Variants in HIPK2 observed in about 807,000 individuals in gnomAD.
HIPK2 encodes homeodomain-interacting protein kinase 2.
Under a neutral mutation model 113.7 loss-of-function variants are expected in HIPK2, and 27 were observed. The ratio of observed to expected loss-of-function variants is 0.24; its 90% CI spans 0.17 to 0.33. HIPK2 has a LOEUF of 0.33. HIPK2 is among the 10% of genes least tolerant of loss of function. HIPK2 has a pLI of 1.00. For synonymous variants in HIPK2, 631 were observed against 642.2 expected (o/e 0.98, Z 0.26); for missense variants, 1,257 against 1,588.0 (o/e 0.79, Z 3.54).
chr7:139,656,086 A>G (rs1801658792), intron 2 of HIPK2, among the ~76,000 whole-genome samples: 1 of 151,760 alleles, frequency 6.6e-6, no homozygotes, highest in Non-Finnish European at 1.5e-5. Context: ...CATTTCTCCC[A>G]TCATTCTTCT....
intron 2 of HIPK2, among the ~76,000 whole-genome samples, chr7:139,659,432 C>T (rs543622657): frequency 9.2e-5 from 13 of 141,334 alleles, no homozygotes; most frequent in Admixed American, 7.6e-4. Context: ...GGTTCCCTGG[C>T]CCTGAGCCGC....
At position 139,614,370 on chromosome 7, in the gene HIPK2, GCATGCTCCGCTGGGCCACTGCAGC is replaced by G. The variant is rs1799951148; in HGVS notation, c.1882_1905del (p.Ala628_Met635del). 6.3e-7 allele frequency: 1 copy of G among 1,585,700 alleles called. No homozygotes were observed. The highest frequency in any genetic ancestry group is 1.1e-5 in the South Asian group (1 of 87,972). On this transcript the variant is annotated inframe_deletion, in exon 8 of 15. Transcript: ENST00000406875. Reference sequence around the variant, plus strand: ...ATCTGGGCTGTTCCTGTCTGCAGGGGCATGCTCCGCTGGGCCACTGCAGCCATGGATGCCGCTGAGGGCTGGTAG... The same window carrying G: ...ATCTGGGCTGTTCCTGTCTGCAGGGGCATGGATGCCGCTGAGGGCTGGTAG...
Position 139,621,926 on chromosome 7 carries a change from A to G in HIPK2, c.1620-1363T>C, listed in dbSNP as rs1396420924. 5.6e-5 allele frequency among the ~76,000 whole-genome samples: 5 copies of G among 89,326 alleles called. No homozygotes were observed. In the East Asian group the frequency reaches 8.3e-4, roughly 15 times the overall value. 58.6% of individuals were successfully genotyped at this position (89,326 alleles called of 152,430 possible). ...TGACAGGGTGAGACCCTGTCTCAGG[A>G]AAAAAAAAAAAAAAAAAATTAAAAG... On this transcript the variant is annotated intron_variant, in intron 6 of 14. Coordinates refer to ENST00000406875, the MANE Select transcript of HIPK2 (RefSeq NM_022740.5).
chr7:139,670,497 C>T (rs867206513), intron 2 of HIPK2, among the ~76,000 whole-genome samples: 1 of 150,966 alleles, frequency 6.6e-6, no homozygotes, highest in Non-Finnish European at 1.5e-5. Context: ...AGGAGGATTG[C>T]TTGAGCCTAG....
chr7:139,764,907 A>T (rs1796527765), intron 1 of HIPK2, among the ~76,000 whole-genome samples: 1 of 152,196 alleles, frequency 6.6e-6, no homozygotes, highest in African/African-American at 2.4e-5. Context: ...AGGCTGAGGC[A>T]GGTGGATCAC....
chr7:139,583,172 C>T (rs950387568), intron 13 of HIPK2, among the ~76,000 whole-genome samples: 5 of 152,210 alleles, frequency 3.3e-5, no homozygotes, highest in South Asian at 2.1e-4. Context: ...GCAAGGGAAA[C>T]GCTAAATAGA....
chr7:139,623,014 C>T (rs1010408593), intron 6 of HIPK2, among the ~76,000 whole-genome samples: 2 of 152,206 alleles, frequency 1.3e-5, no homozygotes, highest in African/African-American at 2.4e-5. Context: ...TGTTTTGGTG[C>T]AGACGGCTAA....
chr7:139,741,632 ACTCTAGCCTGTCCCAC>A (rs149675580), intron 1 of HIPK2, among the ~76,000 whole-genome samples: 22,003 of 151,736 alleles, frequency 0.15, 1,608 homozygotes, highest in Non-Finnish European at 0.16. Context: ...TAATCTCCAC[ACTCTAGCCTGTCCCAC>A]CTTTGTTATT....
intron 5 of HIPK2, 118 bp from the exon 6 acceptor site, chr7:139,626,903 T>C: frequency 1.8e-6 from 2 of 1,129,230 alleles, no homozygotes; most frequent in Non-Finnish European, 2.6e-6. Context: ...CTTTCTCAGT[T>C]CCCAGGAACT....
rs1050404523 is a variant in HIPK2, at chr7:139,575,222, C to T, written c.3032G>A (p.Gly1011Asp). 3.2e-6 allele frequency: 5 copies of T among 1,583,324 alleles called. No homozygotes were observed. The highest frequency in any genetic ancestry group is 4.3e-6 in the Non-Finnish European group (5 of 1,164,966). The change falls in exon 14 of 15, where the codon GGT (glycine) becomes GAT (aspartate). Residue 1011 changes from glycine to aspartate, a missense_variant. Coordinates refer to ENST00000406875, the MANE Select transcript of HIPK2 (RefSeq NM_022740.5). ...KSSSNVTSTS[G>D]HSSGSSSGAI... is the part of the protein sequence containing the mutation. ...TCCAGATGAGCTCCCTGAAGAGTGACCGCTGGTGGAGGTCACGTTGCTGGA... is the reference window on the plus strand; with the variant it reads ...TCCAGATGAGCTCCCTGAAGAGTGATCGCTGGTGGAGGTCACGTTGCTGGA...
intron 1 of HIPK2, among the ~76,000 whole-genome samples, chr7:139,719,950 C>T (rs1330741011): frequency 1.3e-5 from 2 of 152,176 alleles, no homozygotes; most frequent in Admixed American, 6.5e-5. Flanking sequence ...CTGAGCATGC[C>T]ACTCCCCTCT....
At chr7:139,588,037 G>A (rs924910734) in intron 12 of HIPK2, among the ~76,000 whole-genome samples, 1 of 151,962 alleles carries the variant, frequency 6.6e-6, no homozygotes, top group Non-Finnish European at 1.5e-5. Flanking sequence ...TAAGAAATCT[G>A]CTGGGTGCAG....
intron 1 of HIPK2, among the ~76,000 whole-genome samples, chr7:139,765,285 C>A (rs147143643): frequency 3.9e-5 from 6 of 152,164 alleles, no homozygotes; most frequent in African/African-American, 1.4e-4. Context: ...TAGAATTACA[C>A]TGAGGAATAA....
intron 1 of HIPK2, among the ~76,000 whole-genome samples, chr7:139,772,791 T>C (rs1796675338): frequency 6.6e-6 from 1 of 151,456 alleles, no homozygotes. Context: ...AGATGGGGTT[T>C]CGCCATGTTA....
intron 1 of HIPK2, among the ~76,000 whole-genome samples, chr7:139,744,377 G>A (rs191700931): frequency 2.4e-4 from 36 of 152,340 alleles, no homozygotes; most frequent in African/African-American, 7.9e-4. Flanking sequence ...CAAACCCATA[G>A]AGACAGAAAA....
chr7:139,712,706 C>T (rs966204503), intron 2 of HIPK2, among the ~76,000 whole-genome samples: 1 of 152,234 alleles, frequency 6.6e-6, no homozygotes, highest in Non-Finnish European at 1.5e-5. Flanking sequence ...TTCTTGCCCC[C>T]TTTCTTTCCT....
intron 1 of HIPK2, among the ~76,000 whole-genome samples, chr7:139,749,672 C>T (rs576848044): frequency 1.3e-5 from 2 of 152,320 alleles, no homozygotes; most frequent in African/African-American, 4.8e-5. Context: ...AAGACTCGGG[C>T]TTAGAGCCTC....
chr7:139,620,230 C>A, intron 7 of HIPK2, 171 bp downstream of exon 7: 5 of 505,060 alleles, frequency 9.9e-6, no homozygotes, highest in Non-Finnish European at 1.3e-5. Context: ...GAAGTCAACA[C>A]AAAATGTGCC....
intron 2 of HIPK2, among the ~76,000 whole-genome samples, chr7:139,666,027 G>A (rs576195723): frequency 6.7e-6 from 1 of 150,260 alleles, no homozygotes; most frequent in South Asian, 2.1e-4. Flanking sequence ...AGGTCCTGCC[G>A]ATAGACAGTG....
Sources: allele counts gnomAD v4.1 joint callset (sites outside exome capture counted in the v4.1 genomes callset), GRCh38; gene constraint gnomAD v4.1.1; transcripts MANE v1.5; gene names NCBI Gene and HGNC (gene_info 2026-07-23, HGNC 2026-07-21).